EEIG1: variants seen among roughly 807,000 people sequenced by gnomAD.
EEIG1 encodes early estrogen-induced gene 1 protein.
At chr9:127,956,006 T>C in the EEIG1 span, among the ~76,000 whole-genome samples, 30 of 152,310 alleles carry the variant, frequency 2.0e-4, no homozygotes, top group East Asian at 5.4e-3. Flanking sequence ...TGCACCTAGC[T>C]TGTTAGGAGG....
chr9:127,965,433 C>T, the EEIG1 span, among the ~76,000 whole-genome samples: 1 of 152,222 alleles, frequency 6.6e-6, no homozygotes, highest in Non-Finnish European at 1.5e-5. Context: ...GGGCACCCAG[C>T]TAAGAGACAG....
the EEIG1 span, among the ~76,000 whole-genome samples, chr9:127,980,732 C>T: frequency 1.3e-5 from 2 of 149,876 alleles, no homozygotes; most frequent in African/African-American, 4.9e-5. Context: ...CTCCAGGAGG[C>T]GCGTCGGGGT....
the EEIG1 span, chr9:127,944,391 C>A: frequency 1.7e-6 from 1 of 598,262 alleles, no homozygotes; most frequent in Non-Finnish European, 3.0e-6. Flanking sequence ...TGTGGGAAAC[C>A]ACCGAACCTG....
chr9:127,979,903 CG>C, the EEIG1 span: 3 of 1,447,216 alleles, frequency 2.1e-6, no homozygotes, highest in South Asian at 4.1e-5. Context: ...CTCCTCACAC[CG>C]GCCCCAAGGG....
the EEIG1 span, among the ~76,000 whole-genome samples, chr9:127,955,034 C>G: frequency 3.9e-5 from 6 of 152,336 alleles, no homozygotes; most frequent in Admixed American, 2.0e-4. Context: ...CTCCCCATCT[C>G]CATACAGCCT....
chr9:127,949,191 G>A, the EEIG1 span, among the ~76,000 whole-genome samples: 5 of 151,646 alleles, frequency 3.3e-5, no homozygotes, highest in Non-Finnish European at 5.9e-5. Context: ...GCGGGCACCT[G>A]TAGTCCCAGC....
the EEIG1 span, chr9:127,944,796 T>C: frequency 6.2e-7 from 1 of 1,612,200 alleles, no homozygotes; most frequent in Admixed American, 1.7e-5. Context: ...TGCTGCCATC[T>C]GTGAAATCCT....
the EEIG1 span, among the ~76,000 whole-genome samples, chr9:127,963,160 A>G: frequency 2.0e-5 from 3 of 152,248 alleles, no homozygotes; most frequent in African/African-American, 7.2e-5. Flanking sequence ...GTTTCTGTCC[A>G]AGAGTTGTTT....
At chr9:127,957,267 T>C in the EEIG1 span, among the ~76,000 whole-genome samples, 3 of 152,060 alleles carry the variant, frequency 2.0e-5, no homozygotes, top group African/African-American at 7.2e-5. Flanking sequence ...TAAAAATGCA[T>C]GAGTTCAGAA....
the EEIG1 span, among the ~76,000 whole-genome samples, chr9:127,962,924 T>C: frequency 1.3e-5 from 2 of 152,022 alleles, no homozygotes; most frequent in African/African-American, 4.8e-5. Flanking sequence ...ACCACCTACT[T>C]ACCCTAATGT....
the EEIG1 span, among the ~76,000 whole-genome samples, chr9:127,949,474 G>C: frequency 2.6e-5 from 4 of 152,182 alleles, no homozygotes; most frequent in African/African-American, 9.7e-5. Context: ...ACAGGATGTG[G>C]GGGAGCTTCC....
chr9:127,951,814 C>CAAAAAAA, the EEIG1 span, among the ~76,000 whole-genome samples: 1 of 109,192 alleles, frequency 9.2e-6, no homozygotes, highest in African/African-American at 3.7e-5. Context: ...GACTCCATCT[C>CAAAAAAA]AAAAAAAAAA....
chr9:127,944,691 G>A, the EEIG1 span: 81 of 1,612,970 alleles, frequency 5.0e-5, no homozygotes, highest in South Asian at 1.2e-4. Context: ...CTGTCTGTGG[G>A]GACACAGGAG....
At chr9:127,967,808 C>G in the EEIG1 span, among the ~76,000 whole-genome samples, 2 of 152,058 alleles carry the variant, frequency 1.3e-5, no homozygotes, top group Admixed American at 1.3e-4. Flanking sequence ...GGACCTGGCA[C>G]AGTGGACACC....
the EEIG1 span, chr9:127,947,919 G>C: frequency 3.5e-6 from 3 of 868,048 alleles, no homozygotes; most frequent in East Asian, 7.4e-5. Flanking sequence ...CGCACAAGGT[G>C]ATCAGGTCTC....
the EEIG1 span, among the ~76,000 whole-genome samples, chr9:127,965,274 C>T: frequency 0.016 from 2,427 of 152,212 alleles, 61 homozygotes; most frequent in African/African-American, 0.055. Flanking sequence ...GTGGGATGTT[C>T]AGCAGCACCC....
chr9:127,958,298 A>G, the EEIG1 span, among the ~76,000 whole-genome samples: 1 of 152,366 alleles, frequency 6.6e-6, no homozygotes, highest in African/African-American at 2.4e-5. Context: ...GGATTAGGCA[A>G]CTATTTCCTG....
the EEIG1 span, chr9:127,944,952 A>G: frequency 1.1e-5 from 17 of 1,581,258 alleles, no homozygotes; most frequent in Non-Finnish European, 1.5e-5. Flanking sequence ...TAACAGGTAC[A>G]AGCACAGAAC....
chr9:127,955,913 C>T, the EEIG1 span, among the ~76,000 whole-genome samples: 5 of 152,234 alleles, frequency 3.3e-5, no homozygotes, highest in Non-Finnish European at 5.9e-5. Context: ...CCGCCCCTGT[C>T]GTGGCTGCTG....
Sources: gnomAD v4.1 joint callset for allele counts (sites outside exome capture counted in the v4.1 genomes callset) on GRCh38, gnomAD v4.1.1 for gene constraint, MANE v1.5 for transcripts, NCBI Gene and HGNC (gene_info 2026-07-23, HGNC 2026-07-21) for gene names.